VIL1: variants seen among roughly 807,000 people sequenced by gnomAD.
The protein encoded by VIL1 is villin 1.
In VIL1, 86 loss-of-function variants were observed where a neutral mutation model predicts 104.0. The ratio of observed to expected loss-of-function variants is 0.83; its 90% confidence interval spans 0.69 to 0.99. The LOEUF is 0.99. Among genes scored for constraint, VIL1 ranks in the 50% least tolerant of loss-of-function variants. The pLI, the probability that VIL1 is intolerant of heterozygous loss-of-function variation, is 0.00. For synonymous variants in VIL1, 394 were observed against 412.6 expected (o/e 0.95, Z 0.55); for missense variants, 944 against 1,054.1 (o/e 0.90, Z 1.45).
chr2:218,443,182 C>A (rs1689309917), intron 19 of VIL1, among the ~76,000 whole-genome samples: 3 of 147,592 alleles, frequency 2.0e-5, no homozygotes, highest in South Asian at 4.3e-4. Context: ...TGCCATGCAG[C>A]ATAAAGGAGG....
intron 10 of VIL1, chr2:218,431,089 C>T (rs982282699): frequency 1.5e-6 from 1 of 671,706 alleles, no homozygotes; most frequent in Admixed American, 3.1e-5. Flanking sequence ...TGGCACATGC[C>T]TGTAATCCCA....
chr2:218,433,921 G>A (rs1689141419), intron 13 of VIL1, among the ~76,000 whole-genome samples: 1 of 149,766 alleles, frequency 6.7e-6, no homozygotes, highest in South Asian at 2.1e-4. Context: ...AAAAGGCTAG[G>A]CGCTGTGGCT....
rs1440553780 is a variant in VIL1, at chr2:218,432,852, C to G, written c.1401C>G (p.Asp467Glu). The G allele has an allele frequency of 1.9e-6, 3 of 1,614,200 alleles. No individual in the cohort carries two copies. The South Asian group carries it at 3.3e-5, about 18-fold the overall frequency. Residue 467 changes from aspartate to glutamate, a missense_variant, in exon 13 of 20, where the codon GAC becomes GAG. Coordinates refer to ENST00000248444, the MANE Select transcript of VIL1 (RefSeq NM_007127.3). ...CAGCTTATCAAGCCGTCATCCTGGA[C>G]CAGAAGTACAATGGTGAACCAGTCC... The part of the protein sequence containing the change: ...TASAYQAVIL[D>E]QKYNGEPVQI...
At chr2:218,423,980 C>T in intron 2 of VIL1, 127 bp downstream of exon 2, 1 of 1,044,404 alleles carries the variant, frequency 9.6e-7, no homozygotes, top group Non-Finnish European at 1.4e-6. Context: ...GAGCTCAGCC[C>T]CTCACCTCCC....
At position 218,429,668 on chromosome 2, in the gene VIL1, G is replaced by A; in HGVS notation, c.842G>A (p.Ser281Asn). 1 of 1,614,110 alleles carries A rather than the reference G, an allele frequency of 6.2e-7. No individual in the cohort carries two copies. The highest frequency in any genetic ancestry group is 8.5e-7 in the Non-Finnish European group (1 of 1,180,032). ...ATRPLTQDLL[S>N]HEDCYILDQG... ...CGGCCACTGACACAGGACCTGCTCA[G>A]TCACGAGGTAAGAGGGTCTGGAGAC... Residue 281 changes from serine (S) to asparagine (N), a missense_variant, in exon 8 of 20, where the codon AGT becomes AAT. Coordinates refer to ENST00000248444, the MANE Select transcript of VIL1 (RefSeq NM_007127.3).
rs376351268 is a variant in VIL1 at position 218,430,874 on chromosome 2, C to T, written c.1098C>T (p.Ser366=). 5.3e-5 allele frequency: 86 copies of T among 1,612,598 alleles called. No individual in the cohort carries two copies. The highest frequency in any genetic ancestry group is 2.1e-4 in the South Asian group (19 of 90,848). The change falls in exon 10 of 20, where the codon TCC becomes TCT. Residue 366 remains serine, a synonymous_variant. Transcript: ENST00000248444. The part of the protein sequence containing the change: ...SGLGKTHTVG[S]VAKVEQVKFD... Reference sequence around the variant, plus strand: ...TAGGCAAAACCCACACTGTGGGCTCCGTGGGTGAGGGCCAGGCGGGGGCAG... The same window carrying T: ...TAGGCAAAACCCACACTGTGGGCTCTGTGGGTGAGGGCCAGGCGGGGGCAG...
In VIL1 at chr2:218,452,951, CAAAACTTTAAAGCTAGTTTT is replaced by C. The variant is rs1444103278; in HGVS notation, c.*3621_*3640del. 3 of 152,146 alleles carry C rather than the reference CAAAACTTTAAAGCTAGTTTT, an allele frequency of 2.0e-5. No individual in the cohort carries two copies. The highest frequency in any genetic ancestry group is 4.4e-5 in the Non-Finnish European group (3 of 68,022). 9.4% of individuals were successfully genotyped at this position (152,146 alleles called of 1,614,324 possible). ...AAAGAGGCTCCTGGTAGAAATGAAACAAAACTTTAAAGCTAGTTTTAAAACAAATATTTTCCTCTGCTCTA... is the reference window on the plus strand; with the variant it reads ...AAAGAGGCTCCTGGTAGAAATGAAACAAAACAAATATTTTCCTCTGCTCTA... On this transcript the variant is annotated 3_prime_UTR_variant, in exon 20 of 20. Coordinates refer to ENST00000248444, the MANE Select transcript of VIL1 (RefSeq NM_007127.3).
rs761122578 is a variant in VIL1 at position 218,437,297 on chromosome 2, T to A, written c.2145T>A (p.Asp715Glu). The change falls in exon 17 of 20, where the codon GAT (aspartate) becomes GAA (glutamate). Residue 715 changes from aspartate (D) to glutamate (E), a missense_variant. Coordinates refer to ENST00000248444, the MANE Select transcript of VIL1 (RefSeq NM_007127.3). Reference sequence around the variant, plus strand: ...TCACAGGCTGGTTCCTGGCTTGGGATCCCTTCAAGTGGAGTGTGAGTGGCC... The same window carrying A: ...TCACAGGCTGGTTCCTGGCTTGGGAACCCTTCAAGTGGAGTGTGAGTGGCC... Reference protein sequence around the residue: ...PTFTGWFLAWDPFKWSNTKSY... With the variant: ...PTFTGWFLAWEPFKWSNTKSY... 7 of 1,613,760 alleles carry A rather than the reference T, an allele frequency of 4.3e-6. No individual in the cohort carries two copies. The highest frequency in any genetic ancestry group is 2.2e-5 in the South Asian group (2 of 91,054).
Position 218,434,696 on chromosome 2 carries a change from G to T in VIL1, c.1671G>T (p.Trp557Cys). 1 of 1,612,526 alleles carries T rather than the reference G, an allele frequency of 6.2e-7. No homozygotes were observed. Among genetic ancestry groups the T allele is most frequent in the Non-Finnish European group, 8.5e-7 (1 of 1,179,152 alleles). The change falls in exon 14 of 20, where the codon TGG (tryptophan) becomes TGT (cysteine). Residue 557 changes from tryptophan (W) to cysteine (C), a missense_variant. Coordinates refer to ENST00000248444, the MANE Select transcript of VIL1 (RefSeq NM_007127.3). ...VLKTQSCCYL[W>C]CGKGCSGDER... ...AGACCCAGTCTTGCTGCTATCTATGGTGTGGGAAGGTGTGTTCAGGGTCTA... is the reference window on the plus strand; with the variant it reads ...AGACCCAGTCTTGCTGCTATCTATGTTGTGGGAAGGTGTGTTCAGGGTCTA...
At chr2:218,440,621 G>A (rs988659500) in intron 18 of VIL1, 101 bp from the exon 19 acceptor site, 1 of 1,449,996 alleles carries the variant, frequency 6.9e-7, no homozygotes, top group Non-Finnish European at 9.5e-7. Flanking sequence ...GACATGGGAG[G>A]CTTCTTGAAG....
At chr2:218,439,636 T>C (rs1255246255) in intron 18 of VIL1, among the ~76,000 whole-genome samples, 1 of 151,902 alleles carries the variant, frequency 6.6e-6, no homozygotes, top group Non-Finnish European at 1.5e-5. Context: ...CTTCGTAACA[T>C]GGGGAAACCC....
rs368301441 is a variant in VIL1, at chr2:218,430,829, G to A, written c.1053G>A (p.Ala351=). ...VFQQLFQKWT[A]SNRTSGLGKT... is the part of the protein sequence containing the mutation. ...AGCAGCTCTTCCAGAAGTGGACAGC[G>A]TCCAACCGGACCTCAGGCCTAGGCA... The change falls in exon 10 of 20, where the codon GCG becomes GCA. Residue 351 remains alanine (A), a synonymous_variant. Coordinates refer to ENST00000248444, the MANE Select transcript of VIL1 (RefSeq NM_007127.3). 19 of 1,613,918 alleles carry A rather than the reference G, an allele frequency of 1.2e-5. No homozygotes were observed. The highest frequency in any genetic ancestry group is 8.9e-5 in the East Asian group (4 of 44,896).
At position 218,428,009 on chromosome 2, in the gene VIL1, C is replaced by A; in HGVS notation, c.392C>A (p.Thr131Asn). The A allele has an allele frequency of 6.2e-7, 1 of 1,614,138 alleles. No individual in the cohort carries two copies. The highest frequency in any genetic ancestry group is 8.5e-7 in the Non-Finnish European group (1 of 1,180,012). The change falls in exon 5 of 20, where the codon ACC becomes AAC. Residue 131 changes from threonine (T) to asparagine (N), a missense_variant. Coordinates refer to ENST00000248444, the MANE Select transcript of VIL1 (RefSeq NM_007127.3). ...GCTTCTGGCATGAAGCACGTGGAGA[C>A]CAACTCCTATGACGTCCAGAGGCTG... is the stretch of plus-strand genomic sequence containing the variant. ...GVASGMKHVETNSYDVQRLLH... is the reference protein window; with the variant it reads ...GVASGMKHVENNSYDVQRLLH...
chr2:218,431,028 G>A (rs575640598), intron 10 of VIL1, 150 bp downstream of exon 10: 36 of 1,045,666 alleles, frequency 3.4e-5, no homozygotes, highest in African/African-American at 3.4e-4. Context: ...AGATGGGGAC[G>A]TGGACAAACT....
intron 10 of VIL1, chr2:218,431,097 C>A: frequency 1.5e-6 from 1 of 650,310 alleles, no homozygotes; most frequent in South Asian, 2.0e-5. Flanking sequence ...GCCTGTAATC[C>A]CAGCACTTTG....
chr2:218,426,214 AG>A (rs1186252693), intron 4 of VIL1, among the ~76,000 whole-genome samples: 1 of 151,906 alleles, frequency 6.6e-6, no homozygotes, highest in African/African-American at 2.4e-5. Context: ...TCTCTAATGC[AG>A]GCCTATCACA....
chr2:218,421,056 C>G (rs894786718), intron 1 of VIL1, among the ~76,000 whole-genome samples: 1 of 151,998 alleles, frequency 6.6e-6, no homozygotes, highest in African/African-American at 2.4e-5. Context: ...GCCCCTTGTC[C>G]AGCTGAGGAT....
At chr2:218,419,267 TG>T (rs1688861279) in intron 1 of VIL1, 99 bp downstream of exon 1, 1 of 152,206 alleles carries the variant, frequency 6.6e-6, no homozygotes, top group African/African-American at 2.4e-5. Flanking sequence ...TGGAGCACCT[TG>T]GTACGGGCTC....
At chr2:218,425,557 G>A in intron 3 of VIL1, 58 bp from the exon 4 acceptor site, 2 of 1,582,510 alleles carry the variant, frequency 1.3e-6, no homozygotes, top group South Asian at 1.1e-5. Flanking sequence ...AGGTCACACA[G>A]AGCTGGAGGG....
Sources: allele counts gnomAD v4.1 joint callset (sites outside exome capture counted in the v4.1 genomes callset), GRCh38; gene constraint gnomAD v4.1.1; transcripts MANE v1.5; gene names NCBI Gene and HGNC (gene_info 2026-07-23, HGNC 2026-07-21).